The following HPS1 variants were observed in gnomAD, a reference collection of about 807,000 sequenced individuals.
HPS1 encodes HPS1 biogenesis of lysosomal organelles complex 3 subunit 1.
A neutral mutation model predicts 90.6 loss-of-function variants in HPS1; 59 were observed. The observed-to-expected ratio is 0.65, with a 90% CI of 0.53 to 0.81. The LOEUF (loss-of-function observed/expected upper bound fraction) is 0.81. Among genes scored for constraint, HPS1 ranks in the 30% least tolerant of loss-of-function variants. The pLI is 0.00. For synonymous variants in HPS1, 388 were observed against 384.4 expected (o/e 1.01, Z -0.11); for missense variants, 849 against 896.7 (o/e 0.95, Z 0.68).
At chr10:98,444,498 A>C (rs186070611) in intron 2 of HPS1, among the ~76,000 whole-genome samples, 101 of 152,274 alleles carry the variant, frequency 6.6e-4, no homozygotes, top group African/African-American at 2.3e-3. Flanking sequence ...AAATCCTCTT[A>C]TGTGCCTCAG....
intron 11 of HPS1, 143 bp from the exon 12 acceptor site, chr10:98,426,128 T>C (rs1845575912): frequency 1.4e-6 from 1 of 704,198 alleles, no homozygotes; most frequent in Non-Finnish European, 2.4e-6. Flanking sequence ...CTGCTGAACC[T>C]GCCCTCGCAG....
In HPS1 at chr10:98,417,339, C is replaced by T; in HGVS notation, c.*225G>A. On this transcript the variant is annotated 3_prime_UTR_variant, in exon 20 of 20. Transcript: ENST00000361490. The surrounding 1 kb of genome is among the most constrained non-coding windows in gnomAD (Gnocchi z 4.2). ...TGCCACCGTTGTTTTACAAACAGGA[C>T]CCCTGGGCTTCCCTCTTCCTCCAGA... 2.0e-6 allele frequency: 1 copy of T among 508,328 alleles called. No individual in the cohort carries two copies. The highest frequency in any genetic ancestry group is 3.5e-6 in the Non-Finnish European group (1 of 286,738). 31.5% of individuals were successfully genotyped at this position (508,328 alleles called of 1,614,324 possible).
chr10:98,424,271 T>G (rs375027507), intron 14 of HPS1, 42 bp downstream of exon 14: 1 of 1,490,106 alleles, frequency 6.7e-7, no homozygotes, highest in East Asian at 2.3e-5. Context: ...AACAGTCCCC[T>G]GGGCACACGA....
intron 13 of HPS1, among the ~76,000 whole-genome samples, chr10:98,424,918 C>T (rs1275535383): frequency 3.9e-5 from 6 of 152,118 alleles, no homozygotes. Context: ...ACAATGGGTC[C>T]CAGCTCCTCA....
chr10:98,423,510 T>C, intron 16 of HPS1, 93 bp downstream of exon 16: 2 of 1,182,692 alleles, frequency 1.7e-6, no homozygotes, highest in Non-Finnish European at 1.3e-6. Context: ...ATATCCCCCT[T>C]CCCTGGGGCC....
At chr10:98,443,684 G>A (rs1245242724) in intron 2 of HPS1, among the ~76,000 whole-genome samples, 3 of 150,708 alleles carry the variant, frequency 2.0e-5, no homozygotes, top group Non-Finnish European at 4.4e-5. Flanking sequence ...TGGATCGGAG[G>A]GCACTGGTGC....
intron 11 of HPS1, among the ~76,000 whole-genome samples, chr10:98,426,744 T>C (rs960430694): frequency 5.1e-5 from 6 of 116,986 alleles, no homozygotes; most frequent in African/African-American, 7.8e-5. Flanking sequence ...TGTACATATG[T>C]AGTGTGTGTG....
chr10:98,433,961 G>T, intron 6 of HPS1, 22 bp downstream of exon 6: 1 of 1,551,812 alleles, frequency 6.4e-7, no homozygotes, highest in Non-Finnish European at 8.7e-7. Flanking sequence ...AAGTCCTGAG[G>T]ACTCCCGCGC....
At chr10:98,425,768 A>T in intron 12 of HPS1, 48 bp from the exon 13 acceptor site, 1 of 1,599,574 alleles carries the variant, frequency 6.3e-7, no homozygotes, top group East Asian at 2.2e-5. Context: ...CCCCTGGGGA[A>T]GACGTGCCAA....
chr10:98,435,234 T>G lies in HPS1; in HGVS notation c.398+38A>C. 1.2e-6 allele frequency: 2 copies of G among 1,613,436 alleles called. No individual in the cohort carries two copies. Among genetic ancestry groups the G allele is most frequent in the Non-Finnish European group, 1.7e-6 (2 of 1,179,966 alleles). ...ACGCTGCCTGGCCCAGCGAGGGTGCTCGGCAAAGGACAGAGGGGACCAGCT... is the reference window on the plus strand; with the variant it reads ...ACGCTGCCTGGCCCAGCGAGGGTGCGCGGCAAAGGACAGAGGGGACCAGCT... On this transcript the variant is annotated intron_variant, in intron 5 of 19. Coordinates refer to ENST00000361490, the MANE Select transcript of HPS1 (RefSeq NM_000195.5). This position sits in a 1 kb window ranked among gnomAD's most constrained non-coding sequence, Gnocchi z 4.3.
At chr10:98,439,968 T>C (rs1938130086) in intron 3 of HPS1, among the ~76,000 whole-genome samples, 1 of 152,222 alleles carries the variant, frequency 6.6e-6, no homozygotes, top group Non-Finnish European at 1.5e-5. Context: ...TAAGAGGCTC[T>C]TTCCCCTTCA....
intron 13 of HPS1, among the ~76,000 whole-genome samples, chr10:98,424,922 C>A (rs921586966): frequency 6.6e-6 from 1 of 152,218 alleles, no homozygotes; most frequent in African/African-American, 2.4e-5. Flanking sequence ...TGGGTCCCAG[C>A]TCCTCAAACA....
At chr10:98,426,748 G>C (rs1845654772) in intron 11 of HPS1, among the ~76,000 whole-genome samples, 1 of 73,264 alleles carries the variant, frequency 1.4e-5, no homozygotes, top group Non-Finnish European at 2.7e-5. Context: ...CATATGTAGT[G>C]TGTGTGTGTG....
intron 14 of HPS1, 25 bp downstream of exon 14, chr10:98,424,288 C>G: frequency 1.3e-6 from 2 of 1,593,978 alleles, no homozygotes; most frequent in East Asian, 2.2e-5. Context: ...ACGACCCACC[C>G]CTTGTCCTGA....
chr10:98,435,890 G>T lies in HPS1; in HGVS notation c.118-118C>A, dbSNP rs41290488. ...CATAGTGTTAGACCCTCCTGGGAGG[G>T]TATCACTGTCCTGGTAGGGAGGGGA... On this transcript the variant is annotated intron_variant, in intron 3 of 19. Transcript: ENST00000361490. This position sits in a 1 kb window ranked among gnomAD's most constrained non-coding sequence, Gnocchi z 4.3. The T allele has an allele frequency of 0.011, 13,908 of 1,304,648 alleles. 91 individuals are homozygous for T. The highest frequency in any genetic ancestry group is 0.012 in the Non-Finnish European group (11,363 of 922,410). The allele number at this position is 1,304,648 out of a possible 1,614,324, so 80.8% of individuals were successfully genotyped here.
intron 10 of HPS1, among the ~76,000 whole-genome samples, chr10:98,428,066 G>A (rs1389794464): frequency 6.6e-6 from 1 of 152,184 alleles, no homozygotes; most frequent in Non-Finnish European, 1.5e-5. Flanking sequence ...AGTGGTAAGA[G>A]GAACTTCGGA....
In HPS1 at chr10:98,420,174, C is replaced by T. The variant is rs1844669164; in HGVS notation, c.1744-16G>A. 1.3e-6 allele frequency: 2 copies of T among 1,556,088 alleles called. No individual in the cohort carries two copies. Among genetic ancestry groups the T allele is most frequent in the Middle Eastern group, 1.7e-4 (1 of 5,972 alleles). ...GAGACCAGACCTGGGGAAAAGACAG[C>T]AAGCATCACCACTCTCCCAGCCTTG... is the stretch of plus-strand genomic sequence containing the variant. On this transcript the variant is annotated splice_polypyrimidine_tract_variant and intron_variant, in intron 17 of 19. Coordinates refer to ENST00000361490, the MANE Select transcript of HPS1 (RefSeq NM_000195.5).
intron 11 of HPS1, 30 bp from the exon 12 acceptor site, chr10:98,426,015 G>A (rs1208371023): frequency 1.2e-6 from 2 of 1,609,148 alleles, no homozygotes; most frequent in Non-Finnish European, 1.7e-6. Context: ...GCAGTGAGAG[G>A]TGGGATCCCT....
chr10:98,446,446 G>A (rs1939578175), intron 1 of HPS1, among the ~76,000 whole-genome samples: 2 of 152,242 alleles, frequency 1.3e-5, no homozygotes, highest in Non-Finnish European at 2.9e-5. Flanking sequence ...TCACCATCTG[G>A]ACCCCAGCAA....
Sources: allele counts gnomAD v4.1 joint callset (sites outside exome capture counted in the v4.1 genomes callset), GRCh38; gene constraint gnomAD v4.1.1; non-coding constraint Gnocchi (gnomAD v3.1); transcripts MANE v1.5; gene names NCBI Gene and HGNC (gene_info 2026-07-23, HGNC 2026-07-21).